The following CACNA1I variants were observed in gnomAD, a reference collection of about 807,000 sequenced individuals.
The protein encoded by CACNA1I is voltage-dependent T-type calcium channel subunit alpha-1I.
In CACNA1I, 74 loss-of-function variants were observed where a neutral mutation model predicts 201.6. The observed-to-expected ratio is 0.37, with a 90% confidence interval of 0.30 to 0.45. The LOEUF is 0.45. CACNA1I is among the 20% of genes least tolerant of loss of function. The probability of loss-of-function intolerance (pLI) is 1.00; values close to 1 mark genes in which losing one functional copy is unlikely to be tolerated. For missense variants in CACNA1I, 2,346 were observed against 3,138.1 expected (o/e 0.75, Z 6.03); for synonymous variants, 1,431 against 1,345.2 (o/e 1.06, Z -1.40).
At chr22:39,663,365 G>C (rs1315578946) in intron 18 of CACNA1I, among the ~76,000 whole-genome samples, 1 of 152,240 alleles carries the variant, frequency 6.6e-6, no homozygotes, top group African/African-American at 2.4e-5. Flanking sequence ...CAGGGGCTGT[G>C]AAGAGGAGGA....
chr22:39,620,981 C>G (rs1933726852), intron 4 of CACNA1I, among the ~76,000 whole-genome samples: 1 of 152,182 alleles, frequency 6.6e-6, no homozygotes, highest in Non-Finnish European at 1.5e-5. Flanking sequence ...TGGTCTCGAA[C>G]TCCTGACCTC....
At chr22:39,646,918 T>C in intron 8 of CACNA1I, 37 bp downstream of exon 8, 3 of 1,454,322 alleles carry the variant, frequency 2.1e-6, no homozygotes, top group Non-Finnish European at 2.7e-6. Context: ...ACTCAGGCAC[T>C]TCGTGCCAAG....
chr22:39,655,248 G>A (rs1356795928), intron 10 of CACNA1I, among the ~76,000 whole-genome samples: 2 of 107,890 alleles, frequency 1.9e-5, no homozygotes, highest in African/African-American at 8.4e-5. Context: ...GGATGGTGCT[G>A]GGCTGGAGGG....
intron 3 of CACNA1I, among the ~76,000 whole-genome samples, chr22:39,617,740 C>G (rs1039725895): frequency 1.3e-5 from 2 of 151,826 alleles, no homozygotes; most frequent in Admixed American, 6.6e-5. Flanking sequence ...CGGCCCTCAC[C>G]CTCTCTGCCT....
chr22:39,679,847 G>A lies in CACNA1I; in HGVS notation c.5520G>A (p.Lys1840=), dbSNP rs781042525. The change falls in exon 33 of 37, where the codon AAG becomes AAA. Residue 1840 remains lysine (K), a synonymous_variant. Transcript: ENST00000402142. ...ACTCCTCGCCTGCCGGCTGCAAGAA[G>A]TGTCACCACGACAAGCAAGAGGTAA... The part of the protein sequence containing the change: ...HHYSSPAGCK[K]CHHDKQEVQL... 1.9e-6 allele frequency: 3 copies of A among 1,612,528 alleles called. No individual in the cohort carries two copies. In the East Asian group the frequency reaches 6.7e-5, roughly 36 times the overall value.
intron 1 of CACNA1I, 86 bp from the exon 2 acceptor site, chr22:39,598,065 G>T (rs1932930796): frequency 1.4e-6 from 1 of 728,166 alleles, no homozygotes; most frequent in South Asian, 1.6e-5. Flanking sequence ...TGTGTGTGTG[G>T]TGGGTTGCGG....
chr22:39,581,185 C>T (rs1932535727), intron 1 of CACNA1I, among the ~76,000 whole-genome samples: 2 of 152,122 alleles, frequency 1.3e-5, no homozygotes, highest in Non-Finnish European at 2.9e-5. Flanking sequence ...AAGGAAGCCT[C>T]AGAGCTAGGG....
chr22:39,633,727 C>A (rs192350109), intron 4 of CACNA1I, among the ~76,000 whole-genome samples: 5 of 152,350 alleles, frequency 3.3e-5, no homozygotes, highest in African/African-American at 1.2e-4. Context: ...GAGAGGTGGG[C>A]AGTATGGACT....
At chr22:39,664,216 GGGTC>G in intron 20 of CACNA1I, 57 bp downstream of exon 20, 1 of 1,421,946 alleles carries the variant, frequency 7.0e-7, no homozygotes, top group Non-Finnish European at 9.8e-7. Context: ...CCCTGGCCCT[GGGTC>G]AGCCCCTGCC....
At chr22:39,580,534 G>T (rs1932514380) in intron 1 of CACNA1I, among the ~76,000 whole-genome samples, 1 of 152,206 alleles carries the variant, frequency 6.6e-6, no homozygotes, top group East Asian at 1.9e-4. Context: ...GGGCTATTCA[G>T]CCTGGGTCTT....
chr22:39,592,956 G>A (rs1053514776), intron 1 of CACNA1I, among the ~76,000 whole-genome samples: 2 of 152,232 alleles, frequency 1.3e-5, no homozygotes, highest in Non-Finnish European at 1.5e-5. Flanking sequence ...GTCAGGAACC[G>A]CGGGCAGTGA....
intron 10 of CACNA1I, among the ~76,000 whole-genome samples, chr22:39,654,240 G>C (rs1433441609): frequency 6.6e-6 from 1 of 152,216 alleles, no homozygotes; most frequent in Admixed American, 6.5e-5. Flanking sequence ...AGTTGAACTG[G>C]AGGAAGGCAT....
Position 39,689,079 on chromosome 22 carries a change from C to CCA in CACNA1I, c.*2675_*2676dup, listed in dbSNP as rs918462590. 6.5e-6 allele frequency: 1 copy of CCA among 152,752 alleles called. No individual in the cohort carries two copies. The highest frequency in any genetic ancestry group is 2.4e-5 in the African/African-American group (1 of 41,464). The allele number at this position is 152,752 out of a possible 1,614,324, so 9.5% of individuals were successfully genotyped here. The stretch of plus-strand genomic sequence containing the variant: ...TCCTCCCCAACCCTGTGGTCTGGGG[C>CCA]CATGGCCTCAGGCTTGTGTCTATCA... On this transcript the variant is annotated 3_prime_UTR_variant, in exon 37 of 37. Coordinates refer to ENST00000402142, the MANE Select transcript of CACNA1I (RefSeq NM_021096.4).
At position 39,570,872 on chromosome 22, in the gene CACNA1I, G is replaced by A. The variant is rs755012678; in HGVS notation, c.120G>A (p.Glu40=). Residue 40 remains glutamate (E), a synonymous_variant, in exon 1 of 37, where the codon GAG becomes GAA. Coordinates refer to ENST00000402142, the MANE Select transcript of CACNA1I (RefSeq NM_021096.4). ...CATCCTCCCCGCCAGGCCTGGAGGAGCCTCTGGATGGAGCTGATCCTCATG... is the reference window on the plus strand; with the variant it reads ...CATCCTCCCCGCCAGGCCTGGAGGAACCTCTGGATGGAGCTGATCCTCATG... ...SPPSSPPGLE[E]PLDGADPHVP... 5.9e-5 allele frequency: 95 copies of A among 1,613,634 alleles called. No individual in the cohort carries two copies. The highest frequency in any genetic ancestry group is 7.2e-5 in the Non-Finnish European group (85 of 1,179,812).
At chr22:39,595,453 G>A (rs542837306) in intron 1 of CACNA1I, among the ~76,000 whole-genome samples, 4 of 150,078 alleles carry the variant, frequency 2.7e-5, no homozygotes, top group Middle Eastern at 3.7e-3. Context: ...GTGAAAACCC[G>A]TCTCTACTAA....
intron 4 of CACNA1I, among the ~76,000 whole-genome samples, chr22:39,624,203 C>T (rs1161077214): frequency 6.6e-6 from 1 of 151,702 alleles, no homozygotes; most frequent in Non-Finnish European, 1.5e-5. Flanking sequence ...GCGCCTTGCA[C>T]GTGTGTGTGG....
chr22:39,572,266 C>T (rs1416360197), intron 1 of CACNA1I, among the ~76,000 whole-genome samples: 1 of 152,060 alleles, frequency 6.6e-6, no homozygotes, highest in South Asian at 2.1e-4. Flanking sequence ...GGACCCAAGC[C>T]ATGGTGGCCT....
intron 4 of CACNA1I, 149 bp from the exon 5 acceptor site, chr22:39,634,416 T>C: frequency 1.3e-6 from 1 of 757,328 alleles, no homozygotes; most frequent in Non-Finnish European, 2.3e-6. Flanking sequence ...AGGGTGTATC[T>C]GGCAGCCACT....
At chr22:39,571,098 C>T (rs556336218) in intron 1 of CACNA1I, 110 bp downstream of exon 1, 33 of 944,458 alleles carry the variant, frequency 3.5e-5, no homozygotes, top group African/African-American at 2.2e-4. Flanking sequence ...CTGAGGTCTG[C>T]GGTGAGGCCA....
Sources: allele counts gnomAD v4.1 joint callset (sites outside exome capture counted in the v4.1 genomes callset), GRCh38; gene constraint gnomAD v4.1.1; transcripts MANE v1.5; gene names NCBI Gene and HGNC (gene_info 2026-07-23, HGNC 2026-07-21).